Variants in IFNL1 observed in about 807,000 individuals in gnomAD.
IFNL1 encodes interferon lambda-1.
IFNL1 carries 16 observed loss-of-function variants against 17.1 expected under a neutral mutation model. The observed-to-expected ratio is 0.93, with a 90% CI of 0.63 to 1.42. The LOEUF is 1.42. Ranked by LOEUF, IFNL1 falls within the 40% of genes most tolerant of loss-of-function variation. The pLI is 0.00. For synonymous variants in IFNL1, 104 were observed against 111.4 expected (o/e 0.93, Z 0.42); for missense variants, 262 against 249.4 (o/e 1.05, Z -0.34).
At chr19:39,298,182 C>A (rs760766086) in intron 3 of IFNL1, 31 bp from the exon 4 acceptor site, 1 of 1,613,558 alleles carries the variant, frequency 6.2e-7, no homozygotes, top group Admixed American at 1.7e-5. Flanking sequence ...GCCCAGGCTC[C>A]GCCTCACACA....
chr19:39,298,173 C>T (rs372202304), intron 3 of IFNL1, 40 bp from the exon 4 acceptor site: 24 of 1,613,358 alleles, frequency 1.5e-5, no homozygotes, highest in Non-Finnish European at 1.9e-5. Context: ...CCTGTGGTGG[C>T]CCAGGCTCCG....
rs530228572 is a variant in IFNL1, at chr19:39,297,379, C to T, written c.249+497C>T. 3.6e-5 allele frequency among the ~76,000 whole-genome samples: 5 copies of T among 137,384 alleles called. No homozygotes were observed. The East Asian group carries it at 1.1e-3, about 30-fold the overall frequency. The allele number at this position is 137,384 out of a possible 152,430, so 90.1% of individuals were successfully genotyped here. On this transcript the variant is annotated intron_variant, in intron 2 of 4. Transcript: ENST00000333625. The stretch of plus-strand genomic sequence containing the variant: ...TATGGCCCAGGCTGGAGTGCAGTGG[C>T]ATGATCTCGGTTCACTGCAACCTCT...
chr19:39,297,314 T>C (rs1412764389), intron 2 of IFNL1, among the ~76,000 whole-genome samples: 4 of 72,952 alleles, frequency 5.5e-5, no homozygotes, highest in African/African-American at 3.8e-4. Context: ...CCTTCTCTTT[T>C]TTTTTTTTTT....
intron 2 of IFNL1, 140 bp from the exon 3 acceptor site, chr19:39,297,824 G>A: frequency 1.0e-6 from 1 of 990,958 alleles, no homozygotes; most frequent in East Asian, 2.5e-5. Context: ...TCCCCCTCCT[G>A]TCTCCTTCTC....
Position 39,298,408 on chromosome 19 carries a change from G to A in IFNL1, c.495G>A (p.Leu165=). The change falls in exon 5 of 5, where the codon CTG becomes CTA. Residue 165 remains leucine, a synonymous_variant. Transcript: ENST00000333625. ...EAPKKESAGC[L]EASVTFNLFR... ...CCCTACAGGAGTCCGCTGGCTGCCTGGAGGCATCTGTCACCTTCAACCTCT... is the reference window on the plus strand; with the variant it reads ...CCCTACAGGAGTCCGCTGGCTGCCTAGAGGCATCTGTCACCTTCAACCTCT... The A allele has an allele frequency of 6.2e-7, 1 of 1,614,208 alleles. No individual in the cohort carries two copies.
Position 39,298,051 on chromosome 19 carries a change from G to A in IFNL1, c.337G>A (p.Val113Ile), listed in dbSNP as rs769258923. 1.3e-4 allele frequency: 204 copies of A among 1,614,066 alleles called. No homozygotes were observed. The highest frequency in any genetic ancestry group is 1.5e-4 in the Non-Finnish European group (181 of 1,180,044). ...CGCTGCTGGCCCAGCCCTGGAGGAC[G>A]TCCTAGACCAGCCCCTTCACACCCT... is the stretch of plus-strand genomic sequence containing the variant. Reference protein sequence around the residue: ...EAAAGPALEDVLDQPLHTLHH... With the variant: ...EAAAGPALEDILDQPLHTLHH... The change falls in exon 3 of 5, where the codon GTC becomes ATC. Residue 113 changes from valine (V) to isoleucine (I), a missense_variant. Val to Ile is a conservative substitution (Grantham distance 29). Transcript: ENST00000333625.
chr19:39,296,647 C>T (rs892269360), intron 1 of IFNL1, 55 bp downstream of exon 1: 6 of 1,559,066 alleles, frequency 3.8e-6, no homozygotes, highest in Non-Finnish European at 4.4e-6. Flanking sequence ...AATTACTGCC[C>T]TTCTACTGTG....
chr19:39,298,609 C>A lies in IFNL1; in HGVS notation c.*93C>A. The A allele has an allele frequency of 1.4e-6, 2 of 1,435,996 alleles. No homozygotes were observed. Among genetic ancestry groups the A allele is most frequent in the Non-Finnish European group, 1.9e-6 (2 of 1,038,172 alleles). The allele number at this position is 1,435,996 out of a possible 1,614,324, so 89.0% of individuals were successfully genotyped here. A position where few individuals can be genotyped will look rare whatever the true frequency, so the allele number is the denominator to read the frequency against. ...TATGAAGCTGCAGCCCTGACTGAGA[C>A]ATAGGGCTGAGTTTATTGTTTTACT... On this transcript the variant is annotated 3_prime_UTR_variant, in exon 5 of 5. Transcript: ENST00000333625.
chr19:39,298,664 G>A lies in IFNL1; in HGVS notation c.*148G>A. The A allele has an allele frequency of 1.0e-6, 1 of 1,000,416 alleles. No individual in the cohort carries two copies. Among genetic ancestry groups the A allele is most frequent in the Non-Finnish European group, 1.5e-6 (1 of 671,332 alleles). 62.0% of individuals were successfully genotyped at this position (1,000,416 alleles called of 1,614,324 possible). Reference sequence around the variant, plus strand: ...TACATTATGCACAAATAAACAACAAGGAATTGGAACCTTCTGTGATAGGTG... The same window carrying A: ...TACATTATGCACAAATAAACAACAAAGAATTGGAACCTTCTGTGATAGGTG... On this transcript the variant is annotated 3_prime_UTR_variant, in exon 5 of 5. Transcript: ENST00000333625.
At position 39,298,297 on chromosome 19, in the gene IFNL1, G is replaced by A. The variant is rs753142702; in HGVS notation, c.477+1G>A. On this transcript the variant is annotated splice_donor_variant, in intron 4 of 4. Coordinates refer to ENST00000333625, the MANE Select transcript of IFNL1 (RefSeq NM_172140.2). LOFTEE classifies it high-confidence loss of function. ...CCGGCTCCAGGAGGCCCCCAAAAAG[G>A]TGAGTGACCCAGGAAGAGAAGGACC... 1.1e-5 allele frequency: 18 copies of A among 1,614,146 alleles called. No individual in the cohort carries two copies. The South Asian group carries it at 1.6e-4, about 15-fold the overall frequency.
At chr19:39,297,819 C>A (rs1047481234) in intron 2 of IFNL1, 145 bp from the exon 3 acceptor site, 1 of 941,550 alleles carries the variant, frequency 1.1e-6, no homozygotes, top group Non-Finnish European at 1.6e-6. Context: ...TGTCTTCCCC[C>A]TCCTGTCTCC....
rs755290425 is a variant in IFNL1 at position 39,296,836 on chromosome 19, G to A, written c.203G>A (p.Cys68Tyr). 1.2e-6 allele frequency: 2 copies of A among 1,613,906 alleles called. No homozygotes were observed. The highest frequency in any genetic ancestry group is 2.2e-5 in the South Asian group (2 of 91,086). The change falls in exon 2 of 5, where the codon TGC (cysteine) becomes TAC (tyrosine). Residue 68 changes from cysteine to tyrosine, a missense_variant. By Grantham distance (194) the Cys-to-Tyr change is radical (BLOSUM62 -2). Coordinates refer to ENST00000333625, the MANE Select transcript of IFNL1 (RefSeq NM_172140.2). ...TCACTCAAGCTGAAAAACTGGAGTT[G>A]CAGCTCTCCTGTCTTCCCCGGGAAT... ...EESLKLKNWS[C>Y]SSPVFPGNWD... is the part of the protein sequence containing the mutation.
intron 2 of IFNL1, 79 bp from the exon 3 acceptor site, chr19:39,297,885 C>T (rs1018794580): frequency 1.3e-6 from 2 of 1,574,614 alleles, no homozygotes; most frequent in Non-Finnish European, 1.7e-6. Context: ...CCGACCTTCC[C>T]CAGGACTGCC....
intron 1 of IFNL1, 41 bp from the exon 2 acceptor site, chr19:39,296,764 A>G (rs1018218386): frequency 6.3e-7 from 1 of 1,577,046 alleles, no homozygotes; most frequent in Non-Finnish European, 8.7e-7. Context: ...GCTAGCTTCC[A>G]GCCATCCTGC....
rs2145015958 is a variant in IFNL1, at chr19:39,296,901, C to T, written c.249+19C>T. 2 of 1,589,128 alleles carry T rather than the reference C, an allele frequency of 1.3e-6. No homozygotes were observed. Among genetic ancestry groups the T allele is most frequent in the Non-Finnish European group, 1.7e-6 (2 of 1,157,668 alleles). On this transcript the variant is annotated intron_variant, in intron 2 of 4. Transcript: ENST00000333625. ...TCTCCAGGTGAGCTGAAAGTCAGGCCCCCTTCACCCTTCCCTTGACCCTCT... is the reference window on the plus strand; with the variant it reads ...TCTCCAGGTGAGCTGAAAGTCAGGCTCCCTTCACCCTTCCCTTGACCCTCT...
At chr19:39,297,507 C>T (rs141852301) in intron 2 of IFNL1, among the ~76,000 whole-genome samples, 2,176 of 151,872 alleles carry the variant, frequency 0.014, 51 homozygotes, top group African/African-American at 0.049. Context: ...TTAGCAGAGA[C>T]GGGGTTTCAC....
At position 39,296,492 on chromosome 19, in the gene IFNL1, C is replaced by A; in HGVS notation, c.71C>A (p.Thr24Asn). 6.2e-7 allele frequency: 1 copy of A among 1,613,562 alleles called. No homozygotes were observed. Among genetic ancestry groups the A allele is most frequent in the Non-Finnish European group, 8.5e-7 (1 of 1,180,040 alleles). The change falls in exon 1 of 5, where the codon ACT becomes AAT. Residue 24 changes from threonine to asparagine, a missense_variant. Thr to Asn is a moderately conservative substitution (Grantham distance 65). Transcript: ENST00000333625. Reference protein sequence around the residue: ...LGLAVAGPVPTSKPTTTGKGC... With the variant: ...LGLAVAGPVPNSKPTTTGKGC... ...TTGGCCGTGGCAGGCCCTGTCCCCA[C>A]TTCCAAGCCCACCACAACTGGGAAG... is the stretch of plus-strand genomic sequence containing the variant.
chr19:39,298,006 A>G lies in IFNL1; in HGVS notation c.292A>G (p.Thr98Ala). The G allele has an allele frequency of 6.2e-7, 1 of 1,614,086 alleles. No individual in the cohort carries two copies. The highest frequency in any genetic ancestry group is 8.5e-7 in the Non-Finnish European group (1 of 1,180,018). The change falls in exon 3 of 5, where the codon ACG becomes GCG. Residue 98 changes from threonine to alanine, a missense_variant. Coordinates refer to ENST00000333625, the MANE Select transcript of IFNL1 (RefSeq NM_172140.2). ...PVALEAELAL[T>A]LKVLEAAAGP... ...GGCCTTGGAGGCTGAGCTGGCCCTGACGCTGAAGGTCCTGGAGGCCGCTGC... is the reference window on the plus strand; with the variant it reads ...GGCCTTGGAGGCTGAGCTGGCCCTGGCGCTGAAGGTCCTGGAGGCCGCTGC...
In IFNL1 at chr19:39,296,876, T is replaced by C. The variant is rs151100216; in HGVS notation, c.243T>C (p.Leu81=). The C allele has an allele frequency of 5.1e-5, 83 of 1,613,292 alleles. No individual in the cohort carries two copies. Among genetic ancestry groups the C allele is most frequent in the Non-Finnish European group, 7.0e-5 (82 of 1,179,388 alleles). Reference sequence around the variant, plus strand: ...TCCCCGGGAATTGGGACCTGAGGCTTCTCCAGGTGAGCTGAAAGTCAGGCC... The same window carrying C: ...TCCCCGGGAATTGGGACCTGAGGCTCCTCCAGGTGAGCTGAAAGTCAGGCC... The part of the protein sequence containing the change: ...PVFPGNWDLR[L]LQVRERPVAL... The change falls in exon 2 of 5, where the codon CTT becomes CTC. Residue 81 remains leucine, a synonymous_variant. Coordinates refer to ENST00000333625, the MANE Select transcript of IFNL1 (RefSeq NM_172140.2).
Sources: allele counts gnomAD v4.1 joint callset (sites outside exome capture counted in the v4.1 genomes callset), GRCh38; gene constraint gnomAD v4.1.1; transcripts MANE v1.5; gene names NCBI Gene and HGNC (gene_info 2026-07-23, HGNC 2026-07-21).